The following ANK2 variants were observed in gnomAD, a reference collection of about 807,000 sequenced individuals.
ANK2 encodes ankyrin 2.
Under a neutral mutation model 360.5 loss-of-function variants are expected in ANK2, and 83 were observed. The ratio of observed to expected loss-of-function variants is 0.23; its 90% CI spans 0.19 to 0.28. The LOEUF (loss-of-function observed/expected upper bound fraction) is 0.28, where lower values mean the gene tolerates loss of function less well. Ranked by LOEUF, ANK2 falls within the 10% of genes least tolerant of loss-of-function variation. The pLI is 1.00. For missense variants in ANK2, 4,201 were observed against 4,795.7 expected, an observed-to-expected ratio of 0.88 and a Z score of 3.66; for synonymous variants, 1,740 against 1,759.5, an observed-to-expected ratio of 0.99 and a Z score of 0.28.
chr4:113,164,019 C>A (rs760609927), intron 1 of ANK2, among the ~76,000 whole-genome samples: 1 of 152,126 alleles, frequency 6.6e-6, no homozygotes, highest in Non-Finnish European at 1.5e-5. Flanking sequence ...TGGCCCCAGG[C>A]AATCACTTAC....
intron 1 of ANK2, among the ~76,000 whole-genome samples, chr4:113,100,740 T>C (rs1478773320): frequency 6.6e-6 from 1 of 152,106 alleles, no homozygotes; most frequent in African/African-American, 2.4e-5. Context: ...TATCCCTCAA[T>C]AGATGAATGG....
chr4:113,348,441 T>G, intron 36 of ANK2, 133 bp downstream of exon 36: 2 of 886,772 alleles, frequency 2.3e-6, no homozygotes, highest in South Asian at 1.4e-5. Flanking sequence ...CAATTTTACT[T>G]AACCTCTCTA....
chr4:113,085,409 G>C (rs2084181145), intron 1 of ANK2, among the ~76,000 whole-genome samples: 2 of 151,964 alleles, frequency 1.3e-5, no homozygotes, highest in Non-Finnish European at 2.9e-5. Context: ...CACCTCCCAG[G>C]TTCAAGCAAT....
intron 4 of ANK2, among the ~76,000 whole-genome samples, chr4:113,204,383 T>C (rs1178542692): frequency 1.3e-5 from 2 of 152,136 alleles, no homozygotes; most frequent in Non-Finnish European, 2.9e-5. Flanking sequence ...ATATGACTTT[T>C]TTATAGAAGA....
At chr4:112,811,707 A>AT in the ANK2 span, among the ~76,000 whole-genome samples, 2 of 152,070 alleles carry the variant, frequency 1.3e-5, no homozygotes, top group African/African-American at 2.4e-5. Context: ...CAAAATGGTG[A>AT]TTTTTCCAAT....
chr4:113,195,947 G>A (rs1011394852), intron 2 of ANK2, among the ~76,000 whole-genome samples: 1 of 152,122 alleles, frequency 6.6e-6, no homozygotes, highest in Non-Finnish European at 1.5e-5. Context: ...GTACATCTTC[G>A]TAAGTGTGAA....
At chr4:112,814,160 T>C (rs1016821383), upstream of ANK2, among the ~76,000 whole-genome samples, 1 of 152,232 alleles carries the variant, frequency 6.6e-6, no homozygotes, top group East Asian at 1.9e-4. Flanking sequence ...CAGTTATATA[T>C]CTTGCCTAAA....
In ANK2 at chr4:113,358,753, A is replaced by G. The variant is rs2095992200; in HGVS notation, c.10135A>G (p.Met3379Val). ...GACAGTGGCTCCTCAGGGACAGGAC[A>G]TGGCAAGCATCGCACCAGATAATAG... Reference protein sequence around the residue: ...QKTVAPQGQDMASIAPDNRSK... With the variant: ...QKTVAPQGQDVASIAPDNRSK... The change falls in exon 38 of 46, where the codon ATG (methionine) becomes GTG (valine). Residue 3379 changes from methionine (M) to valine (V), a missense_variant. Physicochemically the swap from Met to Val is conservative, Grantham distance 21. Around this residue, in one of 4 missense-constraint regions of ANK2, gnomAD observed 2,642 missense variants for 2,714.5 expected, o/e 0.97. Coordinates refer to ENST00000357077, the MANE Select transcript of ANK2 (RefSeq NM_001148.6). The G allele has an allele frequency of 1.2e-6, 2 of 1,614,128 alleles. No homozygotes were observed. The highest frequency in any genetic ancestry group is 2.2e-5 in the East Asian group (1 of 44,884).
At chr4:112,747,409 A>G in the ANK2 span, among the ~76,000 whole-genome samples, 1 of 152,222 alleles carries the variant, frequency 6.6e-6, no homozygotes, top group Admixed American at 6.5e-5. Flanking sequence ...TCACATTCAA[A>G]TGTGTAAAAT....
rs1240602984 is a variant in ANK2 at position 113,151,150 on chromosome 4, A to G, written c.85-23266A>G. On this transcript the variant is annotated intron_variant, in intron 1 of 45. Coordinates refer to ENST00000357077, the MANE Select transcript of ANK2 (RefSeq NM_001148.6). ...GTGATGGAAGCAAAAAAACACTTCT[A>G]AAAACAGTAAAGACGTTGGTAACTA... 4 of 1,284,814 alleles carry G rather than the reference A, an allele frequency of 3.1e-6. No homozygotes were observed. In the African/African-American group the frequency reaches 6.1e-5, roughly 20 times the overall value. 79.6% of individuals were successfully genotyped at this position (1,284,814 alleles called of 1,614,324 possible).
chr4:113,185,733 T>C (rs1008842350), intron 2 of ANK2, among the ~76,000 whole-genome samples: 1 of 152,230 alleles, frequency 6.6e-6, no homozygotes, highest in Admixed American at 6.5e-5. Context: ...ATTTGTCAAT[T>C]TTGGCTGTTG....
chr4:113,044,204 A>C (rs373075360), intron 2 of ANK2, among the ~76,000 whole-genome samples: 1 of 152,184 alleles, frequency 6.6e-6, no homozygotes, highest in Non-Finnish European at 1.5e-5. Context: ...TCGCATGAGA[A>C]AAAGTTACTT....
chr4:113,287,565 C>A, intron 18 of ANK2, 40 bp from the exon 19 acceptor site: 1 of 1,419,414 alleles, frequency 7.0e-7, no homozygotes, highest in South Asian at 1.1e-5. Flanking sequence ...AATGTATTTT[C>A]TTCTTCAACT....
intron 2 of ANK2, among the ~76,000 whole-genome samples, chr4:112,953,126 A>G (rs945052611): frequency 6.6e-6 from 1 of 152,220 alleles, no homozygotes; most frequent in Non-Finnish European, 1.5e-5. Flanking sequence ...TCAAGGTTAC[A>G]TAAGTGGGGA....
upstream of ANK2, among the ~76,000 whole-genome samples, chr4:113,048,276 A>ATTTTTT (rs1165941601): frequency 5.0e-5 from 2 of 39,736 alleles, no homozygotes; most frequent in Admixed American, 4.4e-4. Context: ...ATATATATAT[A>ATTTTTT]TTTTTTTTTT....
At chr4:112,961,044 A>G (rs1446377355) in intron 2 of ANK2, among the ~76,000 whole-genome samples, 1 of 151,684 alleles carries the variant, frequency 6.6e-6, no homozygotes, top group Admixed American at 6.6e-5. Context: ...AGTTTTTGTA[A>G]ACTATCTAAA....
chr4:113,128,552 C>T (rs1369858225), intron 1 of ANK2, among the ~76,000 whole-genome samples: 2 of 152,134 alleles, frequency 1.3e-5, no homozygotes, highest in Non-Finnish European at 2.9e-5. Flanking sequence ...TGCAGTGGCG[C>T]GATCTCGGCT....
In ANK2 at chr4:112,858,790, T is replaced by C. The variant is rs376383091; in HGVS notation, c.-40+40526T>C. Reference sequence around the variant, plus strand: ...CACATTGTAGGTAGGTAATCCTTTTTTCTTTTTTCCCCTTTTGCCCAGGCT... The same window carrying C: ...CACATTGTAGGTAGGTAATCCTTTTCTCTTTTTTCCCCTTTTGCCCAGGCT... On this transcript the variant is annotated intron_variant, in intron 1 of 30. Coordinates refer to the ANK2 transcript ENST00000503271. Among the ~76,000 whole-genome samples the C allele has an allele frequency of 1.5e-4, 23 of 152,368 alleles. No individual in the cohort carries two copies. In the East Asian group the frequency reaches 1.5e-3, roughly 10 times the overall value.
At chr4:113,372,547 A>G (rs1264116300) in intron 43 of ANK2, 2 of 1,534,962 alleles carry the variant, frequency 1.3e-6, no homozygotes, top group East Asian at 4.9e-5. Flanking sequence ...TAACAGAGGA[A>G]TTAGGGGAGC....
Sources: allele counts gnomAD v4.1 joint callset (sites outside exome capture counted in the v4.1 genomes callset), GRCh38; gene constraint gnomAD v4.1.1; regional missense constraint gnomAD v4.1.1; transcripts MANE v1.5; gene names NCBI Gene and HGNC (gene_info 2026-07-23, HGNC 2026-07-21).